NEIL1: variants seen among roughly 807,000 people sequenced by gnomAD.
NEIL1 encodes the protein endonuclease 8-like 1.
Under a neutral mutation model 44.2 loss-of-function variants are expected in NEIL1, and 31 were observed. The ratio of observed to expected loss-of-function variants is 0.70; its 90% CI spans 0.53 to 0.95. The LOEUF is 0.95. Ranked by LOEUF, NEIL1 falls within the 40% of genes least tolerant of loss-of-function variation. The pLI is 0.00. For synonymous variants in NEIL1, 254 were observed against 209.7 expected (o/e 1.21, Z -1.83); for missense variants, 549 against 515.5 (o/e 1.07, Z -0.63).
In NEIL1 at chr15:75,352,114, G is replaced by T. The variant is rs1424109146; in HGVS notation, c.438G>T (p.Glu146Asp). The part of the protein sequence containing the change: ...CVLQEYQQFR[E>D]NVLRNLADKA... ...CACCCAGACCGTGTTCCTCCAGGGA[G>T]AATGTGCTACGAAACCTAGCGGATA... The change falls in exon 3 of 10, where the codon GAG becomes GAT. Residue 146 changes from glutamate (E) to aspartate (D), a missense_variant. Coordinates refer to ENST00000355059, the MANE Select transcript of NEIL1 (RefSeq NM_024608.4). The T allele has an allele frequency of 6.2e-7, 1 of 1,614,180 alleles. No individual in the cohort carries two copies. The highest frequency in any genetic ancestry group is 8.5e-7 in the Non-Finnish European group (1 of 1,180,020).
intron 6 of NEIL1, 70 bp from the exon 7 acceptor site, chr15:75,354,180 T>C: frequency 6.4e-7 from 1 of 1,552,258 alleles, no homozygotes; most frequent in South Asian, 1.1e-5. Context: ...GTGTGAGTCC[T>C]GCCTCTCCAA....
chr15:75,347,252 G>C lies in NEIL1; in HGVS notation c.-244G>C, dbSNP rs886180123. On this transcript the variant is annotated 5_prime_UTR_variant, in exon 1 of 10. Coordinates refer to ENST00000355059, the MANE Select transcript of NEIL1 (RefSeq NM_024608.4). ...GATCCCCACCGGGTCCCTAGGGCCT[G>C]TGCGTACCGCGCACCTGTGCACGTC... 3 of 152,442 alleles carry C rather than the reference G, an allele frequency of 2.0e-5. No homozygotes were observed. Among genetic ancestry groups the C allele is most frequent in the Non-Finnish European group, 4.4e-5 (3 of 68,120 alleles). 9.4% of individuals were successfully genotyped at this position (152,442 alleles called of 1,614,324 possible).
chr15:75,351,652 C>T (rs878929377), intron 2 of NEIL1, among the ~76,000 whole-genome samples: 1 of 152,060 alleles, frequency 6.6e-6, no homozygotes, highest in African/African-American at 2.4e-5. Flanking sequence ...GATGGAGTCT[C>T]GCTCTGTGGC....
chr15:75,354,586 G>C (rs1487937848), intron 8 of NEIL1, 67 bp from the exon 9 acceptor site: 3 of 1,612,624 alleles, frequency 1.9e-6, no homozygotes, highest in South Asian at 1.1e-5. Flanking sequence ...CGGGGGGAGT[G>C]GTGGGCCCTA....
At chr15:75,353,893 G>T (rs1567254594) in intron 6 of NEIL1, 27 bp downstream of exon 6, 2 of 1,610,974 alleles carry the variant, frequency 1.2e-6, no homozygotes, top group South Asian at 2.2e-5. Flanking sequence ...CACACAGGCA[G>T]AGACCCCAGG....
In NEIL1 at chr15:75,349,012, C is replaced by T. The variant is rs753953863; in HGVS notation, c.107C>T (p.Pro36Leu). The T allele has an allele frequency of 6.2e-6, 10 of 1,613,706 alleles. No homozygotes were observed. The highest frequency in any genetic ancestry group is 8.5e-6 in the Non-Finnish European group (10 of 1,180,040). Reference sequence around the variant, plus strand: ...GAGAAGTCCTCTGTCAGCCGCAACCCTGAGGTGCCCTTTGAGAGCAGTGCC... The same window carrying T: ...GAGAAGTCCTCTGTCAGCCGCAACCTTGAGGTGCCCTTTGAGAGCAGTGCC... Reference protein sequence around the residue: ...CVEKSSVSRNPEVPFESSAYR... With the variant: ...CVEKSSVSRNLEVPFESSAYR... The change falls in exon 2 of 10, where the codon CCT (proline) becomes CTT (leucine). Residue 36 changes from proline (P) to leucine (L), a missense_variant. Transcript: ENST00000355059.
At chr15:75,352,299 A>G (rs769316867) in intron 3 of NEIL1, 25 bp from the exon 4 acceptor site, 4 of 1,614,102 alleles carry the variant, frequency 2.5e-6, no homozygotes, top group Non-Finnish European at 3.4e-6. Flanking sequence ...ACTGCCTAGC[A>G]TGGCTTGCCT....
chr15:75,354,542 G>A, intron 8 of NEIL1, 50 bp downstream of exon 8: 1 of 1,613,364 alleles, frequency 6.2e-7, no homozygotes, highest in Non-Finnish European at 8.5e-7. Context: ...AGCCCTGGCT[G>A]CCCCTCCCAG....
chr15:75,348,223 C>CG, intron 1 of NEIL1: 3 of 800,116 alleles, frequency 3.7e-6, no homozygotes, highest in Non-Finnish European at 4.5e-6. Flanking sequence ...GGGGCGGCCG[C>CG]GGGGATGTCC....
rs934544034 is a variant in NEIL1 at position 75,347,087 on chromosome 15, C to T, written c.-409C>T. 2.6e-5 allele frequency: 4 copies of T among 152,266 alleles called. No individual in the cohort carries two copies. Among genetic ancestry groups the T allele is most frequent in the African/African-American group, 9.6e-5 (4 of 41,466 alleles). The allele number at this position is 152,266 out of a possible 1,614,324, so 9.4% of individuals were successfully genotyped here. The stretch of plus-strand genomic sequence containing the variant: ...GACTGGCGCTTTCTGATTTCAGAGA[C>T]TCTCCGCAACAGAACCATCTCAAGT... On this transcript the variant is annotated 5_prime_UTR_variant, in exon 1 of 10. Transcript: ENST00000355059.
chr15:75,353,922 G>A (rs576444528), intron 6 of NEIL1, 56 bp downstream of exon 6: 108 of 1,603,786 alleles, frequency 6.7e-5, no homozygotes, highest in Middle Eastern at 2.2e-4. Flanking sequence ...GGGTGGAAAC[G>A]TGGGGTCACA....
In NEIL1 at chr15:75,349,317, T is replaced by C; in HGVS notation, c.412T>C (p.Leu138=). ...KWQPGRGPCV[L]QEYQQFRENV... ...GCAGCCGGGCCGCGGGCCCTGTGTC[T>C]TGCAGGAGTACCAGCAGTTCAGGTA... Residue 138 remains leucine (L), a synonymous_variant, in exon 2 of 10, where the codon TTG becomes CTG. Transcript: ENST00000355059. 6.2e-7 allele frequency: 1 copy of C among 1,608,614 alleles called. No individual in the cohort carries two copies. Among genetic ancestry groups the C allele is most frequent in the Admixed American group, 1.7e-5 (1 of 59,818 alleles).
chr15:75,353,789 C>A lies in NEIL1; in HGVS notation c.769C>A (p.Arg257=). Reference sequence around the variant, plus strand: ...CGGGGAGGAGGACTTTGCTGCCTTTCGAGCCTGGCTGCGCTGCTATGGCAT... The same window carrying A: ...CGGGGAGGAGGACTTTGCTGCCTTTAGAGCCTGGCTGCGCTGCTATGGCAT... ...ESGEEDFAAF[R]AWLRCYGMPG... Residue 257 remains arginine (R), a synonymous_variant, in exon 6 of 10, where the codon CGA becomes AGA. Coordinates refer to ENST00000355059, the MANE Select transcript of NEIL1 (RefSeq NM_024608.4). 2 of 1,614,090 alleles carry A rather than the reference C, an allele frequency of 1.2e-6. No individual in the cohort carries two copies. The highest frequency in any genetic ancestry group is 2.2e-5 in the East Asian group (1 of 44,888).
In NEIL1 at chr15:75,348,143, G is replaced by A. The variant is rs892038999; in HGVS notation, c.-23+670G>A. 2.0e-5 allele frequency: 14 copies of A among 711,772 alleles called. No homozygotes were observed. The African/African-American group carries it at 2.5e-4, about 13-fold the overall frequency. The allele number at this position is 711,772 out of a possible 1,614,324, so 44.1% of individuals were successfully genotyped here. On this transcript the variant is annotated intron_variant, in intron 1 of 9. Coordinates refer to ENST00000355059, the MANE Select transcript of NEIL1 (RefSeq NM_024608.4). ...TCCTGGTGCCCGCCGTCCTCCTGCGGAGCCATGGGGAGCGGCTCCAGCGCA... is the reference window on the plus strand; with the variant it reads ...TCCTGGTGCCCGCCGTCCTCCTGCGAAGCCATGGGGAGCGGCTCCAGCGCA...
intron 9 of NEIL1, 63 bp from the exon 10 acceptor site, chr15:75,354,901 G>A: frequency 1.2e-6 from 2 of 1,611,638 alleles, no homozygotes; most frequent in East Asian, 2.2e-5. Flanking sequence ...ACAAAGGTGG[G>A]AGAAAGGCTG....
At position 75,355,914 on chromosome 15, in the gene NEIL1, G is replaced by A. The variant is rs763888919; in HGVS notation, c.*880G>A. On this transcript the variant is annotated 3_prime_UTR_variant, in exon 10 of 10. Transcript: ENST00000355059. The stretch of plus-strand genomic sequence containing the variant: ...ACCCCAGCCCCAGGGACTCAGTGTG[G>A]CGGAGGCTGAAGCACGAGCAACAGG... The A allele has an allele frequency of 3.5e-5, 57 of 1,614,062 alleles. No homozygotes were observed. Among genetic ancestry groups the A allele is most frequent in the Middle Eastern group, 1.6e-4 (1 of 6,082 alleles).
At chr15:75,347,831 C>T in intron 1 of NEIL1, 2 of 1,162,232 alleles carry the variant, frequency 1.7e-6, no homozygotes, top group South Asian at 3.0e-5. Context: ...CTCCCCAAAA[C>T]TAGGATTTGG....
rs1401140266 is a variant in NEIL1, at chr15:75,356,326, GCGGGTGAAGACA to G, written c.*1296_*1307del. 6.2e-7 allele frequency: 1 copy of G among 1,612,008 alleles called. No homozygotes were observed. The highest frequency in any genetic ancestry group is 8.5e-7 in the Non-Finnish European group (1 of 1,179,400). On this transcript the variant is annotated 3_prime_UTR_variant, in exon 10 of 10. Transcript: ENST00000355059. The surrounding 1 kb of genome is among the most constrained non-coding windows in gnomAD (Gnocchi z 5.8). Reference sequence around the variant, plus strand: ...CTGCTTGACGGTCTCCAATACGACCGCGGGTGAAGACACGGAAAACGCACTCCAGGAGGTGGC... The same window carrying G: ...CTGCTTGACGGTCTCCAATACGACCGCGGAAAACGCACTCCAGGAGGTGGC...
chr15:75,348,962 G>C lies in NEIL1; in HGVS notation c.57G>C (p.Arg19Ser). 1.2e-6 allele frequency: 2 copies of C among 1,613,610 alleles called. No individual in the cohort carries two copies. The highest frequency in any genetic ancestry group is 1.7e-6 in the Non-Finnish European group (2 of 1,180,036). Residue 19 changes from arginine to serine, a missense_variant, in exon 2 of 10, where the codon AGG becomes AGC. Transcript: ENST00000355059. Reference protein sequence around the residue: ...LASQFVNEACRALVFGGCVEK... With the variant: ...LASQFVNEACSALVFGGCVEK... ...GCCAGTTTGTGAATGAGGCCTGCAGGGCGCTGGTGTTCGGCGGCTGCGTGG... is the reference window on the plus strand; with the variant it reads ...GCCAGTTTGTGAATGAGGCCTGCAGCGCGCTGGTGTTCGGCGGCTGCGTGG...
Sources: allele counts gnomAD v4.1 joint callset (sites outside exome capture counted in the v4.1 genomes callset), GRCh38; gene constraint gnomAD v4.1.1; non-coding constraint Gnocchi (gnomAD v3.1); transcripts MANE v1.5; gene names NCBI Gene and HGNC (gene_info 2026-07-23, HGNC 2026-07-21).